PSD3: variants seen among roughly 807,000 people sequenced by gnomAD.
The protein encoded by PSD3 is pleckstrin and Sec7 domain containing 3.
PSD3 carries 49 observed loss-of-function variants against 105.5 expected under a neutral mutation model. The observed-to-expected ratio is 0.46, with a 90% CI of 0.37 to 0.59. The LOEUF is 0.59. Ranked by LOEUF, PSD3 falls within the 20% of genes least tolerant of loss-of-function variation. The pLI, the probability that PSD3 is intolerant of heterozygous loss-of-function variation, is 0.00. For synonymous variants in PSD3, 557 were observed against 457.8 expected, an observed-to-expected ratio of 1.22 and a Z score of -2.77; for missense variants, 1,561 against 1,263.8, an observed-to-expected ratio of 1.24 and a Z score of -3.57.
chr8:18,939,519 T>TC (rs889630735), intron 1 of PSD3, among the ~76,000 whole-genome samples: 1 of 151,904 alleles, frequency 6.6e-6, no homozygotes, highest in Non-Finnish European at 1.5e-5. Context: ...ACATAGCTTT[T>TC]TTTTTTTTTT....
intron 1 of PSD3, among the ~76,000 whole-genome samples, chr8:19,050,894 C>T (rs1268029595): frequency 6.6e-6 from 1 of 152,110 alleles, no homozygotes; most frequent in Non-Finnish European, 1.5e-5. Flanking sequence ...TCCCGTGAGC[C>T]AGGAGCTAGT....
chr8:18,774,010 T>C (rs1199468555), intron 8 of PSD3, among the ~76,000 whole-genome samples: 1 of 152,226 alleles, frequency 6.6e-6, no homozygotes, highest in African/African-American at 2.4e-5. Flanking sequence ...TATTTCACTT[T>C]TAATGTTCAT....
intron 8 of PSD3, among the ~76,000 whole-genome samples, chr8:18,767,095 A>C (rs1011131679): frequency 1.3e-5 from 2 of 152,224 alleles, no homozygotes; most frequent in Non-Finnish European, 2.9e-5. Flanking sequence ...AACGTACAGG[A>C]AAGTGTGAGA....
At chr8:18,782,324 G>A (rs1808714507) in intron 8 of PSD3, among the ~76,000 whole-genome samples, 1 of 151,924 alleles carries the variant, frequency 6.6e-6, no homozygotes, top group Non-Finnish European at 1.5e-5. Flanking sequence ...GGTTTCGAAG[G>A]GAAAGACATT....
chr8:18,613,367 G>C (rs1331523137), intron 11 of PSD3, among the ~76,000 whole-genome samples: 4 of 152,092 alleles, frequency 2.6e-5, no homozygotes, highest in South Asian at 4.1e-4. Flanking sequence ...GGTCTCTCTC[G>C]TTTCTGTGTG....
At chr8:18,639,669 C>T (rs1807502883) in intron 10 of PSD3, among the ~76,000 whole-genome samples, 1 of 152,150 alleles carries the variant, frequency 6.6e-6, no homozygotes, top group Admixed American at 6.6e-5. Flanking sequence ...CGGTCATGGC[C>T]TTCAGGAGGA....
At chr8:18,758,305 T>C (rs1295201802) in intron 9 of PSD3, among the ~76,000 whole-genome samples, 1 of 152,142 alleles carries the variant, frequency 6.6e-6, no homozygotes, top group Non-Finnish European at 1.5e-5. Flanking sequence ...TTAAGCCTTC[T>C]GGTAGAAAAT....
Position 18,713,998 on chromosome 8 carries a change from G to A in PSD3, c.2172+51451C>T, listed in dbSNP as rs140310804. Among the ~76,000 whole-genome samples the A allele has an allele frequency of 1.2e-3, 180 of 152,114 alleles. 1 individual carries two copies. The highest frequency in any genetic ancestry group is 5.6e-3 in the East Asian group (29 of 5,172). On this transcript the variant is annotated intron_variant, in intron 9 of 15. Coordinates refer to ENST00000327040, the MANE Select transcript of PSD3 (RefSeq NM_015310.4). ...ACTACACATTTACAACCATCTGATC[G>A]TCAACAAACCTGACAAAAGCAGGCA...
At chr8:18,828,214 A>G (rs954273039) in intron 4 of PSD3, among the ~76,000 whole-genome samples, 12 of 151,704 alleles carry the variant, frequency 7.9e-5, no homozygotes, top group African/African-American at 2.9e-4. Flanking sequence ...CAAAGGAAAC[A>G]TATCATCCTC....
Position 18,600,827 on chromosome 8 carries a change from C to T in PSD3, c.2411-393G>A, listed in dbSNP as rs534988121. On this transcript the variant is annotated intron_variant, in intron 11 of 15. Transcript: ENST00000327040. ...AATCCAAGAGAAAGCTTAAAGAGCT[C>T]ATGTACCAGAGCCTTTATAGCTTCT... Among the ~76,000 whole-genome samples, 17 of 152,300 alleles carry T rather than the reference C, an allele frequency of 1.1e-4. 1 individual carries two copies. In the East Asian group the frequency reaches 3.1e-3, roughly 28 times the overall value.
chr8:19,068,869 C>T (rs186181281), intron 1 of PSD3, among the ~76,000 whole-genome samples: 2 of 152,122 alleles, frequency 1.3e-5, no homozygotes, highest in African/African-American at 4.8e-5. Context: ...AATGGAGTTG[C>T]TCTTTTTTGC....
At position 18,604,536 on chromosome 8, in the gene PSD3, G is replaced by GTGAT. The variant is rs1804673100; in HGVS notation, c.2411-4106_2411-4103dup. ...TTTGAAAAATTTGCAGCCTGGCCAC[G>GTGAT]TGATAGAAAAAAAAAAGGCCTATTT... On this transcript the variant is annotated intron_variant, in intron 11 of 15. Transcript: ENST00000327040. Among the ~76,000 whole-genome samples the GTGAT allele has an allele frequency of 2.0e-5, 3 of 151,418 alleles. No homozygotes were observed. In the South Asian group the frequency reaches 6.3e-4, roughly 32 times the overall value.
At chr8:18,629,141 G>T (rs1806710813) in intron 11 of PSD3, among the ~76,000 whole-genome samples, 1 of 151,858 alleles carries the variant, frequency 6.6e-6, no homozygotes, top group Non-Finnish European at 1.5e-5. Context: ...AACTAAAGTG[G>T]CTGTATTAAT....
chr8:18,812,626 G>A (rs1034487839), intron 4 of PSD3, among the ~76,000 whole-genome samples: 6 of 152,140 alleles, frequency 3.9e-5, no homozygotes, highest in African/African-American at 1.4e-4. Flanking sequence ...AACTTCAAGG[G>A]TGGGGTTACC....
At chr8:18,565,268 G>A (rs1801664418) in intron 14 of PSD3, among the ~76,000 whole-genome samples, 2 of 152,204 alleles carry the variant, frequency 1.3e-5, no homozygotes, top group South Asian at 2.1e-4. Flanking sequence ...TGAGCAGACT[G>A]TGAACAGGGC....
chr8:19,052,923 C>T (rs910769393), intron 1 of PSD3, among the ~76,000 whole-genome samples: 1 of 152,140 alleles, frequency 6.6e-6, no homozygotes, highest in Non-Finnish European at 1.5e-5. Context: ...TGTAGAGGGC[C>T]TGCTTGTGTC....
chr8:18,776,443 G>C lies in PSD3; in HGVS notation c.2083-10905C>G, dbSNP rs186117656. The stretch of plus-strand genomic sequence containing the variant: ...CTCTTGCCCAGGCTGGAGTGCAGTG[G>C]CACAACCTCGGCTGACTGCAACCTA... On this transcript the variant is annotated intron_variant, in intron 8 of 15. Transcript: ENST00000327040. Among the ~76,000 whole-genome samples the C allele has an allele frequency of 2.6e-5, 4 of 151,056 alleles. No homozygotes were observed. The East Asian group carries it at 7.8e-4, about 29-fold the overall frequency.
chr8:18,667,384 T>C (rs1028472866), intron 9 of PSD3, among the ~76,000 whole-genome samples: 1 of 152,058 alleles, frequency 6.6e-6, no homozygotes, highest in African/African-American at 2.4e-5. Context: ...TGCTGATTGG[T>C]GCATTTACAA....
chr8:19,033,688 G>T (rs1360298675), intron 1 of PSD3, among the ~76,000 whole-genome samples: 1 of 151,026 alleles, frequency 6.6e-6, no homozygotes, highest in African/African-American at 2.4e-5. Context: ...TGGGTTCCTT[G>T]CCATTCATAC....
Sources: gnomAD v4.1 joint callset for allele counts (sites outside exome capture counted in the v4.1 genomes callset) on GRCh38, gnomAD v4.1.1 for gene constraint, MANE v1.5 for transcripts, NCBI Gene and HGNC (gene_info 2026-07-23, HGNC 2026-07-21) for gene names.